The following METTL15 variants were observed in gnomAD, a reference collection of about 807,000 sequenced individuals.
The protein encoded by METTL15 is 12S rRNA N(4)-cytidine methyltransferase METTL15.
A neutral mutation model predicts 38.3 loss-of-function variants in METTL15; 34 were observed. The ratio of observed to expected loss-of-function variants is 0.89; its 90% CI spans 0.68 to 1.18. The LOEUF (loss-of-function observed/expected upper bound fraction) is 1.18, where lower values mean the gene tolerates loss of function less well. METTL15 is among the 50% of genes most tolerant of loss of function. The pLI is 0.00. For missense variants in METTL15, 438 were observed against 498.4 expected (o/e 0.88, Z 1.15); for synonymous variants, 162 against 170.9 (o/e 0.95, Z 0.41).
chr11:28,339,424 C>G (rs762663545), intron 3 of METTL15, among the ~76,000 whole-genome samples: 3 of 151,582 alleles, frequency 2.0e-5, no homozygotes, highest in Non-Finnish European at 4.4e-5. Context: ...ACTTTAAGAA[C>G]TCCATGGATT....
chr11:28,156,063 T>C (rs1850252996), intron 3 of METTL15, among the ~76,000 whole-genome samples: 1 of 152,212 alleles, frequency 6.6e-6, no homozygotes, highest in Non-Finnish European at 1.5e-5. Context: ...AAGATTAATA[T>C]TTTGCTTGGA....
chr11:28,215,468 G>T (rs1852824495), intron 4 of METTL15, among the ~76,000 whole-genome samples: 1 of 152,056 alleles, frequency 6.6e-6, no homozygotes, highest in Non-Finnish European at 1.5e-5. Flanking sequence ...AGCAGGGAAA[G>T]AGGTGGTCAG....
intron 6 of METTL15, among the ~76,000 whole-genome samples, chr11:28,500,520 A>C (rs1442832777): frequency 6.6e-6 from 1 of 151,842 alleles, no homozygotes; most frequent in African/African-American, 2.4e-5. Flanking sequence ...CAATGTGAGC[A>C]ATATTTTTCC....
At chr11:28,193,454 C>G (rs1253347999) in intron 3 of METTL15, among the ~76,000 whole-genome samples, 1 of 152,000 alleles carries the variant, frequency 6.6e-6, no homozygotes, top group African/African-American at 2.4e-5. Context: ...TGTAAGAACT[C>G]TTATCATGAG....
chr11:28,433,893 G>A (rs1041523554), intron 6 of METTL15, among the ~76,000 whole-genome samples: 7 of 152,016 alleles, frequency 4.6e-5, no homozygotes, highest in Non-Finnish European at 1.0e-4. Flanking sequence ...CATCTAAAAT[G>A]TAATGTTTAA....
intron 3 of METTL15, among the ~76,000 whole-genome samples, chr11:28,130,713 A>G (rs938996648): frequency 2.0e-5 from 3 of 152,194 alleles, no homozygotes; most frequent in South Asian, 4.1e-4. Flanking sequence ...TCTGTTTATA[A>G]GTACAAACAC....
intron 3 of METTL15, among the ~76,000 whole-genome samples, chr11:28,128,382 T>G (rs1486716294): frequency 1.3e-5 from 2 of 152,154 alleles, no homozygotes; most frequent in Non-Finnish European, 2.9e-5. Flanking sequence ...AATATAATGC[T>G]AGAAATTGAA....
At chr11:28,519,807 C>T (rs58302806) in intron 6 of METTL15, among the ~76,000 whole-genome samples, 321 of 152,246 alleles carry the variant, frequency 2.1e-3, no homozygotes, top group African/African-American at 7.1e-3. Context: ...AATTCAACCA[C>T]CTTCTTGTTA....
At chr11:28,302,417 C>G (rs1001646184) in intron 6 of METTL15, among the ~76,000 whole-genome samples, 3 of 152,132 alleles carry the variant, frequency 2.0e-5, no homozygotes, top group Non-Finnish European at 2.9e-5. Context: ...CATCTTGTAG[C>G]TCGCATAATT....
At chr11:28,405,582 A>G (rs568592030) in intron 5 of METTL15, among the ~76,000 whole-genome samples, 1 of 152,228 alleles carries the variant, frequency 6.6e-6, no homozygotes, top group South Asian at 2.1e-4. Context: ...TGTGTTCAAA[A>G]GCGTGTGAGA....
At chr11:28,233,938 A>G (rs1853806518) in intron 4 of METTL15, among the ~76,000 whole-genome samples, 1 of 150,738 alleles carries the variant, frequency 6.6e-6, no homozygotes, top group South Asian at 2.1e-4. Flanking sequence ...ATATCTCCTA[A>G]TGCTATCCCT....
intron 5 of METTL15, among the ~76,000 whole-genome samples, chr11:28,411,570 C>G (rs1396356259): frequency 1.3e-5 from 2 of 151,930 alleles, no homozygotes; most frequent in Non-Finnish European, 2.9e-5. Flanking sequence ...AGATCATACA[C>G]AGAAATCAAC....
intron 6 of METTL15, among the ~76,000 whole-genome samples, chr11:28,495,244 G>A (rs1851526613): frequency 1.3e-5 from 2 of 152,180 alleles, no homozygotes; most frequent in Admixed American, 1.3e-4. Flanking sequence ...CTTAAGTTCT[G>A]AGGGAGGTGA....
At chr11:28,200,037 G>A (rs1391167017) in intron 3 of METTL15, among the ~76,000 whole-genome samples, 2 of 152,128 alleles carry the variant, frequency 1.3e-5, no homozygotes, top group Non-Finnish European at 1.5e-5. Flanking sequence ...ATCATAGTGA[G>A]TGCTGGTGCA....
intron 3 of METTL15, among the ~76,000 whole-genome samples, chr11:28,151,885 T>G (rs1353747820): frequency 6.6e-6 from 1 of 152,018 alleles, no homozygotes; most frequent in African/African-American, 2.4e-5. Context: ...ATTTCCTGAG[T>G]GTTCCCCTCA....
At chr11:28,120,152 C>T (rs1382115461) in intron 3 of METTL15, among the ~76,000 whole-genome samples, 1 of 151,800 alleles carries the variant, frequency 6.6e-6, no homozygotes, top group African/African-American at 2.4e-5. Context: ...CAGGGTTTCA[C>T]CGTGTTAGCC....
At chr11:28,416,039 C>A (rs1018520106) in intron 5 of METTL15, among the ~76,000 whole-genome samples, 2 of 152,162 alleles carry the variant, frequency 1.3e-5, no homozygotes, top group African/African-American at 4.8e-5. Flanking sequence ...TACTATTCTC[C>A]TTTGAGAAAT....
At chr11:28,328,047 G>A in intron 6 of METTL15, 1 of 1,573,552 alleles carries the variant, frequency 6.4e-7, no homozygotes, top group Non-Finnish European at 8.7e-7. Context: ...CTCCATGAAT[G>A]TTTACTTCCT....
intron 6 of METTL15, among the ~76,000 whole-genome samples, chr11:28,438,726 G>A (rs1198806288): frequency 7.0e-6 from 1 of 142,990 alleles, no homozygotes; most frequent in African/African-American, 2.6e-5. Flanking sequence ...ACAGACTGGA[G>A]TGCAGTGGCA....
Sources: gnomAD v4.1 joint callset for allele counts (sites outside exome capture counted in the v4.1 genomes callset) on GRCh38, gnomAD v4.1.1 for gene constraint, MANE v1.5 for transcripts, NCBI Gene and HGNC (gene_info 2026-07-23, HGNC 2026-07-21) for gene names.